SNX29: variants seen among roughly 807,000 people sequenced by gnomAD.
SNX29 encodes sorting nexin-29.
Under a neutral mutation model 102.1 loss-of-function variants are expected in SNX29, and 78 were observed. The ratio of observed to expected loss-of-function variants is 0.76; its 90% CI spans 0.64 to 0.92. The LOEUF is 0.92. Ranked by LOEUF, SNX29 falls within the 40% of genes least tolerant of loss-of-function variation. The probability of loss-of-function intolerance (pLI) is 0.00; values close to 1 mark genes in which losing one functional copy is unlikely to be tolerated. For missense variants in SNX29, 1,280 were observed against 1,061.7 expected (o/e 1.21, Z -2.86); for synonymous variants, 580 against 414.5 (o/e 1.40, Z -4.85).
At chr16:12,207,043 T>A (rs1284579044) in intron 14 of SNX29, among the ~76,000 whole-genome samples, 1 of 152,066 alleles carries the variant, frequency 6.6e-6, no homozygotes. Context: ...CCTCAGAATT[T>A]GTCGCTTCAT....
At chr16:11,993,680 C>A (rs1416609082) in intron 1 of SNX29, among the ~76,000 whole-genome samples, 1 of 152,106 alleles carries the variant, frequency 6.6e-6, no homozygotes, top group East Asian at 1.9e-4. Context: ...CCACACTATC[C>A]TGTTCTTAAT....
At position 12,069,060 on chromosome 16, in the gene SNX29, C is replaced by A. The variant is rs1412610063; in HGVS notation, c.1247C>A (p.Ala416Asp). ...SGVGSYSPAD[A>D]PLGSLENGTG... ...TGTGATTGCTCTCTCTGCACAGATGCCCCCCTCGGAAGCCTGGAGAACGGG... is the reference window on the plus strand; with the variant it reads ...TGTGATTGCTCTCTCTGCACAGATGACCCCCTCGGAAGCCTGGAGAACGGG... The change falls in exon 10 of 21, where the codon GCC becomes GAC. Residue 416 changes from alanine (A) to aspartate (D), a missense_variant. Coordinates refer to ENST00000566228, the MANE Select transcript of SNX29 (RefSeq NM_032167.5). The A allele has an allele frequency of 6.2e-7, 1 of 1,613,472 alleles. No individual in the cohort carries two copies. The highest frequency in any genetic ancestry group is 8.5e-7 in the Non-Finnish European group (1 of 1,179,590).
In SNX29 at chr16:12,570,410, C is replaced by T. The variant is rs1004702372; in HGVS notation, c.*1781C>T. On this transcript the variant is annotated 3_prime_UTR_variant, in exon 21 of 21. Coordinates refer to ENST00000566228, the MANE Select transcript of SNX29 (RefSeq NM_032167.5). ...TCCAAGGCCAGAGTGCACATCAGCT[C>T]ACATGACTGGCAACTCTAAATAGAG... 8 of 281,658 alleles carry T rather than the reference C, an allele frequency of 2.8e-5. No homozygotes were observed. The highest frequency in any genetic ancestry group is 4.9e-5 in the Non-Finnish European group (8 of 162,562). The allele number at this position is 281,658 out of a possible 1,614,324, so 17.4% of individuals were successfully genotyped here. A position where few individuals can be genotyped will look rare whatever the true frequency, so the allele number is the denominator to read the frequency against.
At position 12,023,621 on chromosome 16, in the gene SNX29, A is replaced by G. The variant is rs536826849; in HGVS notation, c.123-3699A>G. On this transcript the variant is annotated intron_variant, in intron 3 of 20. Transcript: ENST00000566228. ...AAAAGAAAAGAAAAGAAAGAACTCT[A>G]CTAAAGCTAGTGCTCCTTTCATTTC... Among the ~76,000 whole-genome samples, 5 of 152,002 alleles carry G rather than the reference A, an allele frequency of 3.3e-5. No individual in the cohort carries two copies. In the East Asian group the frequency reaches 9.6e-4, roughly 29 times the overall value.
intron 4 of SNX29, among the ~76,000 whole-genome samples, 186 bp from the exon 5 acceptor site, chr16:12,042,710 GT>G (rs1170260312): frequency 6.6e-6 from 1 of 152,154 alleles, no homozygotes; most frequent in Non-Finnish European, 1.5e-5. Context: ...ACCACATTTT[GT>G]TTATCCAGTC....
At chr16:12,547,245 C>T (rs1462199381) in intron 20 of SNX29, among the ~76,000 whole-genome samples, 1 of 152,216 alleles carries the variant, frequency 6.6e-6, no homozygotes, top group Non-Finnish European at 1.5e-5. Flanking sequence ...GTGGACACAG[C>T]AGGTGCAAAG....
intron 13 of SNX29, among the ~76,000 whole-genome samples, chr16:12,162,077 G>T (rs1477739287): frequency 6.6e-6 from 1 of 152,102 alleles, no homozygotes; most frequent in African/African-American, 2.4e-5. Flanking sequence ...CAACCCCTTT[G>T]ATGGTGCCAT....
intron 15 of SNX29, among the ~76,000 whole-genome samples, chr16:12,294,703 C>A (rs1290692486): frequency 6.6e-6 from 1 of 152,138 alleles, no homozygotes; most frequent in Admixed American, 6.5e-5. Flanking sequence ...GCCTATGTCC[C>A]CAGGCTGGCT....
intron 4 of SNX29, among the ~76,000 whole-genome samples, chr16:12,032,967 G>C (rs1326233518): frequency 3.9e-5 from 6 of 152,038 alleles, no homozygotes; most frequent in Non-Finnish European, 8.8e-5. Flanking sequence ...TGATTCTCCT[G>C]CCTCAGTTTC....
intron 13 of SNX29, among the ~76,000 whole-genome samples, chr16:12,189,530 AGGT>A (rs1393889771): frequency 6.6e-6 from 1 of 152,142 alleles, no homozygotes; most frequent in Non-Finnish European, 1.5e-5. Flanking sequence ...GCATCCTGGC[AGGT>A]GGTGCATGGC....
intron 14 of SNX29, among the ~76,000 whole-genome samples, chr16:12,232,334 C>G (rs377333048): frequency 1.3e-5 from 2 of 152,186 alleles, no homozygotes; most frequent in African/African-American, 4.8e-5. Context: ...CATGACCAGC[C>G]TGACCAACGT....
chr16:12,539,977 C>T (rs538948828), intron 20 of SNX29, among the ~76,000 whole-genome samples: 3 of 152,212 alleles, frequency 2.0e-5, no homozygotes, highest in African/African-American at 7.2e-5. Context: ...CACATATTTT[C>T]TTCTAGTCTT....
At chr16:12,554,914 G>A (rs891078761) in intron 20 of SNX29, among the ~76,000 whole-genome samples, 1 of 152,056 alleles carries the variant, frequency 6.6e-6, no homozygotes, top group African/African-American at 2.4e-5. Context: ...GCAGGGGAGA[G>A]GGGCTGAGGA....
rs148689264 is a variant in SNX29, at chr16:12,416,949, T to C, written c.2037+13420T>C. ...GACAAACATATCAACCCCATAACTG[T>C]GTATAATTATTATGTGCCAATTAAA... is the stretch of plus-strand genomic sequence containing the variant. On this transcript the variant is annotated intron_variant, in intron 18 of 20. Transcript: ENST00000566228. Among the ~76,000 whole-genome samples, 331 of 152,266 alleles carry C rather than the reference T, an allele frequency of 2.2e-3. 1 individual carries two copies. Among genetic ancestry groups the C allele is most frequent in the African/African-American group, 7.8e-3 (325 of 41,556 alleles).
intron 18 of SNX29, among the ~76,000 whole-genome samples, chr16:12,437,054 G>C (rs988677921): frequency 1.6e-4 from 25 of 152,214 alleles, no homozygotes; most frequent in African/African-American, 6.0e-4. Context: ...GCAAACCTGA[G>C]ATTCTGAAAG....
At chr16:12,268,605 G>A (rs534647265) in intron 14 of SNX29, among the ~76,000 whole-genome samples, 1 of 152,288 alleles carries the variant, frequency 6.6e-6, no homozygotes, top group South Asian at 2.1e-4. Context: ...GAACTGTAAA[G>A]TGTCCCAAAT....
chr16:12,573,781 T>G lies in SNX29; in HGVS notation c.*5152T>G. The G allele has an allele frequency of 4.5e-6, 1 of 222,450 alleles. No individual in the cohort carries two copies. Among genetic ancestry groups the G allele is most frequent in the Non-Finnish European group, 9.0e-6 (1 of 111,296 alleles). 13.8% of individuals were successfully genotyped at this position (222,450 alleles called of 1,614,324 possible). A position where few individuals can be genotyped will look rare whatever the true frequency, so the allele number is the denominator to read the frequency against. On this transcript the variant is annotated 3_prime_UTR_variant, in exon 21 of 21. Coordinates refer to ENST00000566228, the MANE Select transcript of SNX29 (RefSeq NM_032167.5). ...AACGCTCAGTGACCCCAGAGACCAT[T>G]AATTTCCCGGAGTGAAGGGGATGGG...
chr16:12,436,725 C>T (rs1026096951), intron 18 of SNX29, among the ~76,000 whole-genome samples: 1 of 152,232 alleles, frequency 6.6e-6, no homozygotes, highest in Non-Finnish European at 1.5e-5. Flanking sequence ...AGTACAGTGG[C>T]TCACTGCAAC....
rs1419785119 is a variant in SNX29, at chr16:12,568,960, G to A, written c.*331G>A. ...AGGAGGGTGGGCACCAGGTCAGGCTGGGTGCGCCATGGTTGAGAGGCAAAG... is the reference window on the plus strand; with the variant it reads ...AGGAGGGTGGGCACCAGGTCAGGCTAGGTGCGCCATGGTTGAGAGGCAAAG... On this transcript the variant is annotated 3_prime_UTR_variant, in exon 21 of 21. Transcript: ENST00000566228. 4 of 377,842 alleles carry A rather than the reference G, an allele frequency of 1.1e-5. No homozygotes were observed. The highest frequency in any genetic ancestry group is 9.6e-6 in the Non-Finnish European group (2 of 208,872). 23.4% of individuals were successfully genotyped at this position (377,842 alleles called of 1,614,324 possible).
Sources: gnomAD v4.1 joint callset for allele counts (sites outside exome capture counted in the v4.1 genomes callset) on GRCh38, gnomAD v4.1.1 for gene constraint, MANE v1.5 for transcripts, NCBI Gene and HGNC (gene_info 2026-07-23, HGNC 2026-07-21) for gene names.